SDK2: variants seen among roughly 807,000 people sequenced by gnomAD.
The protein encoded by SDK2 is protein sidekick-2.
A neutral mutation model predicts 253.9 loss-of-function variants in SDK2; 105 were observed. That is an observed-to-expected ratio of 0.41 (90% CI 0.35 to 0.49). SDK2 has a LOEUF of 0.49. Among genes scored for constraint, SDK2 ranks in the 20% least tolerant of loss-of-function variants. The pLI is 0.06. For missense variants in SDK2, 2,608 were observed against 3,003.0 expected, an observed-to-expected ratio of 0.87 and a Z score of 3.07; for synonymous variants, 1,249 against 1,234.9, an observed-to-expected ratio of 1.01 and a Z score of -0.24.
At chr17:73,469,992 G>A (rs78125013) in intron 3 of SDK2, among the ~76,000 whole-genome samples, 28,404 of 125,806 alleles carry the variant, frequency 0.23, 3,262 homozygotes, top group East Asian at 0.28. Flanking sequence ...GCGCGCGCGC[G>A]CACACACACA....
intron 27 of SDK2, among the ~76,000 whole-genome samples, chr17:73,392,999 T>C (rs1320249794): frequency 6.6e-6 from 1 of 152,080 alleles, no homozygotes; most frequent in Non-Finnish European, 1.5e-5. Context: ...AATTGCAGCA[T>C]GTTGGGAGGC....
At chr17:73,449,947 C>CA (rs1056658442) in intron 4 of SDK2, among the ~76,000 whole-genome samples, 7 of 151,904 alleles carry the variant, frequency 4.6e-5, no homozygotes, top group South Asian at 2.1e-4. Flanking sequence ...AACAAACAAA[C>CA]AAAAAAACAA....
Position 73,352,986 on chromosome 17 carries a change from G to T in SDK2, c.5594-349C>A, listed in dbSNP as rs1448603576. Among the ~76,000 whole-genome samples, 1 of 152,144 alleles carries T rather than the reference G, an allele frequency of 6.6e-6. No individual in the cohort carries two copies. The highest frequency in any genetic ancestry group is 2.4e-5 in the African/African-American group (1 of 41,408). On this transcript the variant is annotated intron_variant, in intron 40 of 44. Transcript: ENST00000392650. The surrounding 1 kb of genome is among the most constrained non-coding windows in gnomAD (Gnocchi z 4.1). Reference sequence around the variant, plus strand: ...ACATGCCTGTAATCCCAGCTACTGGGGAAGCTGAGGCAGGGAATTGCTTGA... The same window carrying T: ...ACATGCCTGTAATCCCAGCTACTGGTGAAGCTGAGGCAGGGAATTGCTTGA...
At chr17:73,610,969 G>C (rs912053393) in intron 1 of SDK2, among the ~76,000 whole-genome samples, 4 of 152,200 alleles carry the variant, frequency 2.6e-5, no homozygotes, top group Non-Finnish European at 5.9e-5. Flanking sequence ...GGATCTGTCA[G>C]AAATGTTATA....
chr17:73,577,363 A>G (rs765528191), intron 1 of SDK2, among the ~76,000 whole-genome samples: 11 of 152,174 alleles, frequency 7.2e-5, no homozygotes, highest in Non-Finnish European at 1.5e-4. Flanking sequence ...ACAAACATAT[A>G]CTAAGCATCC....
chr17:73,500,462 T>A (rs1309615407), intron 2 of SDK2, among the ~76,000 whole-genome samples: 1 of 138,144 alleles, frequency 7.2e-6, no homozygotes, highest in Admixed American at 7.2e-5. Flanking sequence ...TCCTCCATCC[T>A]CCATCCATCC....
At position 73,387,991 on chromosome 17, in the gene SDK2, C is replaced by A. The variant is rs1393719098; in HGVS notation, c.4239G>T (p.Val1413=). ...AGGACAGCAGCACGCTGCGTGCTCT[C>A]ACATCCTCCTGCTGCACCATCGGCC... ...PSRPMVQQED[V]RARSVLLSWE... Residue 1413 remains valine (V), a synonymous_variant, in exon 30 of 45, where the codon GTG becomes GTT. Coordinates refer to ENST00000392650, the MANE Select transcript of SDK2 (RefSeq NM_001144952.2). The A allele has an allele frequency of 3.2e-6, 5 of 1,570,388 alleles. No homozygotes were observed. The highest frequency in any genetic ancestry group is 1.9e-5 in the Admixed American group (1 of 53,268).
At chr17:73,376,523 T>C (rs35669214) in intron 36 of SDK2, among the ~76,000 whole-genome samples, 34,008 of 152,162 alleles carry the variant, frequency 0.22, 3,799 homozygotes, top group South Asian at 0.33. Context: ...TGTCAGTACC[T>C]TGGTTATCAC....
chr17:73,545,099 G>GTGCACA (rs1555601160), intron 1 of SDK2, among the ~76,000 whole-genome samples: 4 of 145,716 alleles, frequency 2.7e-5, no homozygotes, highest in African/African-American at 1.0e-4. Flanking sequence ...GCACGTGCAC[G>GTGCACA]CACACACACA....
At position 73,447,837 on chromosome 17, in the gene SDK2, C is replaced by T. The variant is rs1413600651; in HGVS notation, c.480-89G>A. ...GAGTGGAAACCCTAAGGGGGAAGCCCGACCATATCTCCCAGTCCCCAGCCT... is the reference window on the plus strand; with the variant it reads ...GAGTGGAAACCCTAAGGGGGAAGCCTGACCATATCTCCCAGTCCCCAGCCT... On this transcript the variant is annotated intron_variant, in intron 4 of 44. Transcript: ENST00000392650. This position sits in a 1 kb window ranked among gnomAD's most constrained non-coding sequence, Gnocchi z 4.0. 26 of 1,465,456 alleles carry T rather than the reference C, an allele frequency of 1.8e-5. No individual in the cohort carries two copies. Among genetic ancestry groups the T allele is most frequent in the Admixed American group, 1.0e-4 (5 of 49,618 alleles). 90.8% of individuals were successfully genotyped at this position (1,465,456 alleles called of 1,614,324 possible).
chr17:73,591,493 G>A (rs888727799), intron 1 of SDK2, among the ~76,000 whole-genome samples: 1 of 152,194 alleles, frequency 6.6e-6, no homozygotes, highest in Non-Finnish European at 1.5e-5. Flanking sequence ...AGGATGTTCG[G>A]TTACACTTGA....
At chr17:73,469,981 T>TGCGCGTGCGC (rs1555585108) in intron 3 of SDK2, among the ~76,000 whole-genome samples, 5 of 129,622 alleles carry the variant, frequency 3.9e-5, no homozygotes, top group African/African-American at 1.2e-4. Flanking sequence ...CATTTGCGAC[T>TGCGCGTGCGC]GCGCGCGCGC....
chr17:73,571,518 G>A (rs1467342805), intron 1 of SDK2, among the ~76,000 whole-genome samples: 1 of 152,196 alleles, frequency 6.6e-6, no homozygotes, highest in African/African-American at 2.4e-5. Flanking sequence ...GGGAACATGT[G>A]GGAGTCCAGC....
intron 12 of SDK2, among the ~76,000 whole-genome samples, chr17:73,428,838 G>C (rs1342178788): frequency 1.3e-5 from 2 of 152,042 alleles, no homozygotes; most frequent in South Asian, 2.1e-4. Context: ...GCCAATTTTG[G>C]GGGGGATAAA....
intron 3 of SDK2, among the ~76,000 whole-genome samples, chr17:73,461,487 G>A (rs1026904083): frequency 1.3e-5 from 2 of 152,242 alleles, no homozygotes; most frequent in Non-Finnish European, 1.5e-5. Context: ...TTCTTAAGCT[G>A]AGTAGGTATT....
At chr17:73,547,755 G>T (rs2044988609) in intron 1 of SDK2, among the ~76,000 whole-genome samples, 2 of 152,192 alleles carry the variant, frequency 1.3e-5, no homozygotes, top group African/African-American at 4.8e-5. Context: ...TTAGATTTTT[G>T]ATCTCATTTG....
At chr17:73,439,284 G>A (rs2063395823) in intron 6 of SDK2, among the ~76,000 whole-genome samples, 1 of 152,116 alleles carries the variant, frequency 6.6e-6, no homozygotes, top group East Asian at 1.9e-4. Context: ...GCAGAGCCGT[G>A]AGCCAAATAA....
intron 1 of SDK2, among the ~76,000 whole-genome samples, chr17:73,515,912 T>C (rs143389019): frequency 9.8e-4 from 149 of 152,276 alleles, no homozygotes; most frequent in Middle Eastern, 3.4e-3. Context: ...TGAGCTAATG[T>C]GGGTGAGGTT....
chr17:73,434,400 G>A (rs1395401736), intron 9 of SDK2, among the ~76,000 whole-genome samples: 2 of 152,210 alleles, frequency 1.3e-5, no homozygotes, highest in Non-Finnish European at 2.9e-5. Flanking sequence ...TGGGAACAGA[G>A]CTAAGTTCAC....
Sources: gnomAD v4.1 joint callset for allele counts (sites outside exome capture counted in the v4.1 genomes callset) on GRCh38, gnomAD v4.1.1 for gene constraint, Gnocchi (gnomAD v3.1) non-coding constraint, MANE v1.5 for transcripts, NCBI Gene and HGNC (gene_info 2026-07-23, HGNC 2026-07-21) for gene names.